Variants in UTRN observed in about 807,000 individuals in gnomAD.
The protein encoded by UTRN is dystrophin-related protein 1.
A neutral mutation model predicts 463.9 loss-of-function variants in UTRN; 283 were observed. The ratio of observed to expected loss-of-function variants is 0.61; its 90% CI spans 0.55 to 0.67. The LOEUF (loss-of-function observed/expected upper bound fraction) is 0.67, where lower values mean the gene tolerates loss of function less well. Ranked by LOEUF, UTRN falls within the 30% of genes least tolerant of loss-of-function variation. UTRN has a pLI of 0.00. For missense variants in UTRN, 3,922 were observed against 4,084.3 expected (o/e 0.96, Z 1.08); for synonymous variants, 1,442 against 1,431.5 (o/e 1.01, Z -0.17).
intron 49 of UTRN, among the ~76,000 whole-genome samples, chr6:144,556,343 C>T (rs979398473): frequency 6.6e-6 from 1 of 152,154 alleles, no homozygotes; most frequent in Non-Finnish European, 1.5e-5. Flanking sequence ...ATACTGCTGA[C>T]TGTTTCCACC....
chr6:144,542,660 G>T, intron 45 of UTRN, 135 bp from the exon 46 acceptor site: 1 of 797,530 alleles, frequency 1.3e-6, no homozygotes. Context: ...GAGAGTGAAG[G>T]TAGAGCCAGA....
intron 9 of UTRN, among the ~76,000 whole-genome samples, chr6:144,431,858 T>G (rs553501877): frequency 2.0e-5 from 3 of 152,358 alleles, no homozygotes; most frequent in African/African-American, 4.8e-5. Context: ...ATCCACTGTT[T>G]CGACTCTGTG....
At chr6:144,674,671 T>C (rs1450350580) in intron 51 of UTRN, among the ~76,000 whole-genome samples, 1 of 152,014 alleles carries the variant, frequency 6.6e-6, no homozygotes, top group Non-Finnish European at 1.5e-5. Flanking sequence ...GTCTTCCCAC[T>C]TCAGTCTCCC....
chr6:144,559,071 G>A (rs1286194411), intron 50 of UTRN, among the ~76,000 whole-genome samples: 1 of 151,308 alleles, frequency 6.6e-6, no homozygotes, highest in Admixed American at 6.6e-5. Context: ...TTAGGAATGT[G>A]TGGCCTGCTT....
intron 50 of UTRN, among the ~76,000 whole-genome samples, chr6:144,575,133 A>C (rs184125324): frequency 1.2e-3 from 177 of 152,282 alleles, no homozygotes; most frequent in Non-Finnish European, 2.1e-3. Context: ...CTAATGATTA[A>C]TGTGCTGAGC....
chr6:144,573,080 A>G (rs1801106108), intron 50 of UTRN, among the ~76,000 whole-genome samples: 1 of 152,088 alleles, frequency 6.6e-6, no homozygotes, highest in Non-Finnish European at 1.5e-5. Flanking sequence ...CTTTTTAGTA[A>G]TTGCCATTCT....
intron 58 of UTRN, 65 bp downstream of exon 58, chr6:144,758,054 G>A (rs1019343938): frequency 7.1e-7 from 1 of 1,412,596 alleles, no homozygotes. Flanking sequence ...AACTTAAGAG[G>A]CTTCTCTCCC....
At position 144,690,996 on chromosome 6, in the gene UTRN, C is replaced by A. The variant is rs1164515883; in HGVS notation, c.7653-9091C>A. Among the ~76,000 whole-genome samples the A allele has an allele frequency of 2.6e-5, 4 of 152,260 alleles. No individual in the cohort carries two copies. The East Asian group carries it at 7.7e-4, about 29-fold the overall frequency. ...TTGGAAATAAGTTCACAGTATGAAT[C>A]TTTACACACTATTTCGTCTTTCCAA... On this transcript the variant is annotated intron_variant, in intron 52 of 74. Transcript: ENST00000367545.
At chr6:144,621,103 G>T (rs1410334893) in intron 51 of UTRN, among the ~76,000 whole-genome samples, 1 of 152,152 alleles carries the variant, frequency 6.6e-6, no homozygotes, top group African/African-American at 2.4e-5. Flanking sequence ...TACAAAATGA[G>T]AGTAATTAAT....
chr6:144,675,593 A>G (rs1781510335), intron 51 of UTRN, among the ~76,000 whole-genome samples: 1 of 152,160 alleles, frequency 6.6e-6, no homozygotes, highest in South Asian at 2.1e-4. Context: ...GCCTCTAGCC[A>G]GGAGGTGGTG....
chr6:144,349,113 A>G lies in UTRN; in HGVS notation c.80-54010A>G, dbSNP rs921520501. On this transcript the variant is annotated intron_variant, in intron 2 of 74. Coordinates refer to ENST00000367545, the MANE Select transcript of UTRN (RefSeq NM_007124.3). ...AAGCTCCTCCTCCCGGGTTCACGCC[A>G]TTCTCCTGCCTCAGCCTTCCGAGTA... is the stretch of plus-strand genomic sequence containing the variant. 3.3e-5 allele frequency among the ~76,000 whole-genome samples: 5 copies of G among 151,934 alleles called. No individual in the cohort carries two copies. In the East Asian group the frequency reaches 7.8e-4, roughly 24 times the overall value.
chr6:144,477,162 T>C (rs1295759705), intron 25 of UTRN, among the ~76,000 whole-genome samples: 1 of 152,162 alleles, frequency 6.6e-6, no homozygotes. Context: ...ACAGTAGAAC[T>C]GGGAGGTATT....
intron 62 of UTRN, among the ~76,000 whole-genome samples, chr6:144,791,515 A>AT (rs1472292706): frequency 6.6e-6 from 1 of 151,966 alleles, no homozygotes; most frequent in African/African-American, 2.4e-5. Context: ...GGAGGCTGCA[A>AT]TGAGCCATGG....
At chr6:144,814,987 C>G (rs149698265) in intron 65 of UTRN, among the ~76,000 whole-genome samples, 3 of 152,234 alleles carry the variant, frequency 2.0e-5, no homozygotes, top group African/African-American at 4.8e-5. Context: ...AAAGAAAAAG[C>G]CTGTTAACAC....
intron 66 of UTRN, among the ~76,000 whole-genome samples, chr6:144,826,721 G>T (rs1586738622): frequency 6.6e-6 from 1 of 152,020 alleles, no homozygotes; most frequent in East Asian, 1.9e-4. Flanking sequence ...AATGTATCAT[G>T]ATCTCAGGAA....
chr6:144,642,429 A>C (rs903326446), intron 51 of UTRN, among the ~76,000 whole-genome samples: 1 of 152,094 alleles, frequency 6.6e-6, no homozygotes, highest in Non-Finnish European at 1.5e-5. Flanking sequence ...TCTAATCCCA[A>C]GAGGCAAAAG....
chr6:144,593,178 G>A (rs1218543330), intron 51 of UTRN, among the ~76,000 whole-genome samples: 4 of 152,082 alleles, frequency 2.6e-5, no homozygotes, highest in Non-Finnish European at 4.4e-5. Context: ...CGTTCTTGGC[G>A]CAATGAACAA....
At chr6:144,561,238 T>C (rs866603226) in intron 50 of UTRN, among the ~76,000 whole-genome samples, 3 of 77,204 alleles carry the variant, frequency 3.9e-5, no homozygotes, top group East Asian at 3.1e-4. Flanking sequence ...TATATATATA[T>C]ATATATATAT....
intron 24 of UTRN, 35 bp downstream of exon 24, chr6:144,473,868 T>C (rs1466835613): frequency 1.3e-6 from 2 of 1,486,388 alleles, no homozygotes. Context: ...TTGTCATAAA[T>C]AACATTTTGT....
Sources: gnomAD v4.1 joint callset for allele counts (sites outside exome capture counted in the v4.1 genomes callset) on GRCh38, gnomAD v4.1.1 for gene constraint, MANE v1.5 for transcripts, NCBI Gene and HGNC (gene_info 2026-07-23, HGNC 2026-07-21) for gene names.